Variants in ZNF423 observed in about 807,000 individuals in gnomAD.
The protein encoded by ZNF423 is zinc finger protein 423.
ZNF423 carries 12 observed loss-of-function variants against 95.8 expected under a neutral mutation model. The observed-to-expected ratio is 0.13, with a 90% CI of 0.08 to 0.20. The LOEUF (loss-of-function observed/expected upper bound fraction) is 0.20, where lower values mean the gene tolerates loss of function less well. Ranked by LOEUF, ZNF423 falls within the 10% of genes least tolerant of loss-of-function variation. The probability of loss-of-function intolerance (pLI) is 1.00; values close to 1 mark genes in which losing one functional copy is unlikely to be tolerated. For synonymous variants in ZNF423, 749 were observed against 711.9 expected, an observed-to-expected ratio of 1.05 and a Z score of -0.83; for missense variants, 1,316 against 1,737.1, an observed-to-expected ratio of 0.76 and a Z score of 4.31.
chr16:49,563,041 C>T (rs1970068322), intron 5 of ZNF423, among the ~76,000 whole-genome samples: 1 of 152,196 alleles, frequency 6.6e-6, no homozygotes, highest in African/African-American at 2.4e-5. Context: ...CCTTGGCCTC[C>T]CAAAGTGCTG....
chr16:49,758,139 A>G (rs1417469978), intron 2 of ZNF423, among the ~76,000 whole-genome samples: 2 of 152,088 alleles, frequency 1.3e-5, no homozygotes, highest in African/African-American at 4.8e-5. Context: ...GAATTGTTAG[A>G]AAGGAATTTG....
intron 5 of ZNF423, among the ~76,000 whole-genome samples, chr16:49,570,884 C>T (rs1395494803): frequency 1.3e-5 from 2 of 152,222 alleles, no homozygotes; most frequent in Non-Finnish European, 1.5e-5. Flanking sequence ...CAGCAGAGGT[C>T]TCTAGGGCCC....
At chr16:49,706,564 C>T (rs1450420295) in intron 3 of ZNF423, among the ~76,000 whole-genome samples, 1 of 152,252 alleles carries the variant, frequency 6.6e-6, no homozygotes, top group African/African-American at 2.4e-5. Flanking sequence ...GACTTCCAGC[C>T]ACTGGTGGGA....
intron 2 of ZNF423, among the ~76,000 whole-genome samples, chr16:49,783,164 T>A (rs1273635417): frequency 1.3e-5 from 2 of 151,872 alleles, no homozygotes; most frequent in African/African-American, 4.8e-5. Flanking sequence ...GAGGAAATGC[T>A]GAAGGTAAGA....
chr16:49,561,735 AT>A (rs1970023975), intron 5 of ZNF423, among the ~76,000 whole-genome samples: 1 of 152,240 alleles, frequency 6.6e-6, no homozygotes. Context: ...TAAGTGCGGT[AT>A]AGGGCACAAA....
intron 5 of ZNF423, among the ~76,000 whole-genome samples, chr16:49,573,987 T>A (rs986175290): frequency 2.0e-5 from 3 of 152,196 alleles, no homozygotes; most frequent in Non-Finnish European, 4.4e-5. Flanking sequence ...CGTACCAATC[T>A]CTAAGGAATC....
intron 5 of ZNF423, 85 bp from the exon 6 acceptor site, chr16:49,525,579 C>G: frequency 6.4e-7 from 1 of 1,566,604 alleles, no homozygotes; most frequent in South Asian, 1.2e-5. Context: ...TAGACCCCAG[C>G]ACTAACCCCC....
chr16:49,657,500 C>T (rs1451875332), intron 3 of ZNF423, among the ~76,000 whole-genome samples: 1 of 152,236 alleles, frequency 6.6e-6, no homozygotes, highest in African/African-American at 2.4e-5. Flanking sequence ...CCTGAGGCCC[C>T]ACCTCCAGGT....
chr16:49,571,140 A>G (rs1970342210), intron 5 of ZNF423, among the ~76,000 whole-genome samples: 1 of 152,170 alleles, frequency 6.6e-6, no homozygotes, highest in Non-Finnish European at 1.5e-5. Context: ...AGAATTTGCT[A>G]GGCATCTATA....
rs1424639682 is a variant in ZNF423, at chr16:49,492,464, G to GGAGGCC, written c.3850-1166_3850-1161dup. Among the ~76,000 whole-genome samples the GGAGGCC allele has an allele frequency of 4.0e-5, 6 of 151,314 alleles. No homozygotes were observed. Among genetic ancestry groups the GGAGGCC allele is most frequent in the East Asian group, 1.9e-4 (1 of 5,158 alleles). On this transcript the variant is annotated intron_variant, in intron 7 of 7. Coordinates refer to ENST00000563137, the MANE Select transcript of ZNF423 (RefSeq NM_001379286.1). The surrounding 1 kb of genome is among the most constrained non-coding windows in gnomAD (Gnocchi z 4.2). ...CCAGGTGATGCCAGTAGCCTCGCCC[G>GGAGGCC]GAGGCCGAGGCCGGGGCCGGGGCCG...
At chr16:49,540,376 G>A (rs1157536107) in intron 5 of ZNF423, among the ~76,000 whole-genome samples, 1 of 152,130 alleles carries the variant, frequency 6.6e-6, no homozygotes, top group African/African-American at 2.4e-5. Flanking sequence ...TCAGGCTCAG[G>A]CGATCCTCAC....
intron 2 of ZNF423, among the ~76,000 whole-genome samples, chr16:49,759,380 C>T (rs2033785214): frequency 6.6e-6 from 1 of 151,712 alleles, no homozygotes; most frequent in Admixed American, 6.6e-5. Context: ...GCCTGGGTGA[C>T]AGGGCGAGAC....
At chr16:49,852,242 G>A (rs1338789051) in intron 1 of ZNF423, among the ~76,000 whole-genome samples, 1 of 152,154 alleles carries the variant, frequency 6.6e-6, no homozygotes, top group Non-Finnish European at 1.5e-5. Flanking sequence ...TTGGGACGTT[G>A]GGGTGGGCGG....
intron 3 of ZNF423, among the ~76,000 whole-genome samples, chr16:49,654,607 TGAA>T (rs1973538053): frequency 6.6e-6 from 1 of 152,228 alleles, no homozygotes; most frequent in African/African-American, 2.4e-5. Context: ...AATTGGGCTT[TGAA>T]GAAGGAGTAG....
chr16:49,552,891 C>T, intron 5 of ZNF423, among the ~76,000 whole-genome samples: 1 of 151,958 alleles, frequency 6.6e-6, no homozygotes, highest in East Asian at 2.0e-4. Flanking sequence ...GATGGGGATG[C>T]AGAAGAGACC....
At chr16:49,583,567 T>C (rs932742789) in intron 5 of ZNF423, among the ~76,000 whole-genome samples, 1 of 152,222 alleles carries the variant, frequency 6.6e-6, no homozygotes, top group Non-Finnish European at 1.5e-5. Flanking sequence ...CTAATGACTA[T>C]GCATATTTCA....
chr16:49,732,149 A>C (rs1309635542), intron 2 of ZNF423, among the ~76,000 whole-genome samples: 2 of 152,190 alleles, frequency 1.3e-5, no homozygotes, highest in Non-Finnish European at 2.9e-5. Flanking sequence ...CCTGGCATCC[A>C]ACCAGAAGAA....
intron 2 of ZNF423, among the ~76,000 whole-genome samples, chr16:49,731,875 G>A (rs745569644): frequency 2.4e-4 from 36 of 152,126 alleles, no homozygotes; most frequent in Non-Finnish European, 3.8e-4. Flanking sequence ...AATCAGTCGT[G>A]GAATGATCTC....
intron 1 of ZNF423, chr16:49,854,841 T>C (rs1465189479): frequency 2.0e-6 from 2 of 985,184 alleles, no homozygotes; most frequent in Admixed American, 6.1e-5. Flanking sequence ...TGTGTGTATC[T>C]ATATATCTGC....
Sources: allele counts gnomAD v4.1 joint callset (sites outside exome capture counted in the v4.1 genomes callset), GRCh38; gene constraint gnomAD v4.1.1; non-coding constraint Gnocchi (gnomAD v3.1); transcripts MANE v1.5; gene names NCBI Gene and HGNC (gene_info 2026-07-23, HGNC 2026-07-21).